The following DHX57 variants were observed in gnomAD, a reference collection of about 807,000 sequenced individuals.
DHX57 encodes DExH-box helicase 57, also known as putative ATP-dependent RNA helicase DHX57.
In DHX57, 105 loss-of-function variants were observed where a neutral mutation model predicts 156.2. The observed-to-expected ratio is 0.67, with a 90% CI of 0.57 to 0.79. The LOEUF (loss-of-function observed/expected upper bound fraction) is 0.79, where lower values mean the gene tolerates loss of function less well. Among genes scored for constraint, DHX57 ranks in the 30% least tolerant of loss-of-function variants. The probability of loss-of-function intolerance (pLI) is 0.00; values close to 1 mark genes in which losing one functional copy is unlikely to be tolerated. For synonymous variants in DHX57, 704 were observed against 595.6 expected (o/e 1.18, Z -2.65); for missense variants, 1,847 against 1,661.9 (o/e 1.11, Z -1.94).
At chr2:38,862,575 T>C (rs1204607417) in intron 3 of DHX57, 1 of 316,956 alleles carries the variant, frequency 3.2e-6, no homozygotes, top group Non-Finnish European at 5.6e-6. Flanking sequence ...CCAATAACTG[T>C]ACCAAATACT....
chr2:38,829,678 C>T (rs910333271), intron 13 of DHX57, among the ~76,000 whole-genome samples: 1 of 152,044 alleles, frequency 6.6e-6, no homozygotes, highest in African/African-American at 2.4e-5. Context: ...TTTAGCCTCC[C>T]GAGTAGTTGG....
At chr2:38,870,087 G>C (rs899321476) in intron 1 of DHX57, among the ~76,000 whole-genome samples, 2 of 152,058 alleles carry the variant, frequency 1.3e-5, no homozygotes, top group African/African-American at 2.4e-5. Flanking sequence ...CACTAGAGAA[G>C]CTCAACCATA....
At chr2:38,828,616 G>A (rs548573110) in intron 13 of DHX57, among the ~76,000 whole-genome samples, 180 bp from the exon 14 acceptor site, 23 of 151,786 alleles carry the variant, frequency 1.5e-4, no homozygotes, top group Non-Finnish European at 3.1e-4. Context: ...TCAGCTACTC[G>A]GCAGGCTGAG....
intron 21 of DHX57, among the ~76,000 whole-genome samples, chr2:38,809,729 C>T (rs1670144651): frequency 6.6e-6 from 1 of 152,064 alleles, no homozygotes; most frequent in African/African-American, 2.4e-5. Context: ...TCCCAAAGTG[C>T]TGGGATTGCA....
At chr2:38,857,654 A>G (rs1241485475) in intron 6 of DHX57, among the ~76,000 whole-genome samples, 1 of 152,214 alleles carries the variant, frequency 6.6e-6, no homozygotes, top group African/African-American at 2.4e-5. Flanking sequence ...CAATTCCCAT[A>G]TTGGTTAAGC....
chr2:38,864,470 G>C (rs931000452), intron 2 of DHX57, among the ~76,000 whole-genome samples: 1 of 152,062 alleles, frequency 6.6e-6, no homozygotes, highest in Non-Finnish European at 1.5e-5. Context: ...TTAAACATGA[G>C]GGGGAGTTGG....
At chr2:38,846,157 C>T (rs1038391126) in intron 11 of DHX57, among the ~76,000 whole-genome samples, 6 of 152,174 alleles carry the variant, frequency 3.9e-5, no homozygotes, top group Admixed American at 6.5e-5. Context: ...TGAGCTACCA[C>T]ACCCAGCCAA....
Position 38,823,093 on chromosome 2 carries a change from A to G in DHX57, c.3191T>C (p.Val1064Ala). Residue 1064 changes from valine (V) to alanine (A), a missense_variant, in exon 17 of 24, where the codon GTG becomes GCG. Physicochemically the swap from Val to Ala is moderately conservative, Grantham distance 64 (BLOSUM62 0). Transcript: ENST00000457308. ...PLGYHLASLP[V>A]DVRIGKLMLF... ...CATTAGTTTGCCAATTCTCACATCCACGGGCAGAGAGGCCAAATGATACCC... is the reference window on the plus strand; with the variant it reads ...CATTAGTTTGCCAATTCTCACATCCGCGGGCAGAGAGGCCAAATGATACCC... The G allele has an allele frequency of 6.2e-7, 1 of 1,614,186 alleles. No individual in the cohort carries two copies. The highest frequency in any genetic ancestry group is 8.5e-7 in the Non-Finnish European group (1 of 1,180,028).
chr2:38,838,732 C>A (rs1387263069), intron 12 of DHX57: 2 of 452,850 alleles, frequency 4.4e-6, no homozygotes, highest in Admixed American at 4.8e-5. Flanking sequence ...ACTCGCTGAA[C>A]CTTTAGGTTC....
intron 2 of DHX57, among the ~76,000 whole-genome samples, chr2:38,864,964 C>T (rs1038281067): frequency 3.3e-5 from 5 of 152,160 alleles, no homozygotes; most frequent in African/African-American, 1.2e-4. Flanking sequence ...CATTTTTCCA[C>T]AAATGTGTAC....
At chr2:38,833,763 G>T (rs1287429928) in intron 13 of DHX57, among the ~76,000 whole-genome samples, 6 of 151,786 alleles carry the variant, frequency 4.0e-5, no homozygotes, top group Non-Finnish European at 5.9e-5. Flanking sequence ...TTCTTTCAAT[G>T]AATATATTGG....
intron 21 of DHX57, chr2:38,810,863 G>A (rs1252798699): frequency 5.4e-6 from 4 of 741,214 alleles, no homozygotes; most frequent in African/African-American, 3.5e-5. Flanking sequence ...TCAATGAAGC[G>A]GTTCTCCACG....
chr2:38,828,153 G>T (rs1671198628), intron 14 of DHX57, among the ~76,000 whole-genome samples, 187 bp downstream of exon 14: 1 of 152,182 alleles, frequency 6.6e-6, no homozygotes, highest in Admixed American at 6.5e-5. Flanking sequence ...ACTGAGCCTG[G>T]CCAATATTTT....
chr2:38,831,663 T>C (rs1280245817), intron 13 of DHX57, among the ~76,000 whole-genome samples: 1 of 151,756 alleles, frequency 6.6e-6, no homozygotes, highest in Non-Finnish European at 1.5e-5. Context: ...CAGACCAGCC[T>C]GGTCAACATA....
intron 2 of DHX57, among the ~76,000 whole-genome samples, chr2:38,865,380 C>A (rs1282991310): frequency 2.0e-5 from 3 of 152,142 alleles, no homozygotes; most frequent in Admixed American, 2.0e-4. Context: ...GGCTCTCATT[C>A]TTCTTTCTCC....
At chr2:38,849,212 T>A (rs1572686905) in intron 9 of DHX57, among the ~76,000 whole-genome samples, 2 of 152,160 alleles carry the variant, frequency 1.3e-5, no homozygotes, top group African/African-American at 4.8e-5. Context: ...GTCTATGAAA[T>A]AACATGAAGC....
intron 2 of DHX57, among the ~76,000 whole-genome samples, chr2:38,867,651 T>G (rs927758239): frequency 6.6e-6 from 1 of 152,132 alleles, no homozygotes; most frequent in Admixed American, 6.5e-5. Flanking sequence ...TTCTGCCTCC[T>G]GGGTTCAAGC....
In DHX57 at chr2:38,828,227, A is replaced by G. The variant is rs188638570; in HGVS notation, c.2639+113T>C. 2.8e-5 allele frequency: 19 copies of G among 671,234 alleles called. No homozygotes were observed. In the Admixed American group the frequency reaches 6.6e-4, roughly 23 times the overall value. The allele number at this position is 671,234 out of a possible 1,614,324, so 41.6% of individuals were successfully genotyped here. On this transcript the variant is annotated intron_variant, in intron 14 of 23. Transcript: ENST00000457308. ...ATAGGTTTGCTCATTTCCAGCTGGC[A>G]TAAACAAATGTATGCTCGAAGACTG...
chr2:38,828,452 G>T lies in DHX57; in HGVS notation c.2543-16C>A. On this transcript the variant is annotated splice_polypyrimidine_tract_variant and intron_variant, in intron 13 of 23. Coordinates refer to ENST00000457308, the MANE Select transcript of DHX57 (RefSeq NM_198963.3). ...AGTATAGCACCTGGGTATATAAAAAGAATCAATATGTGGGTAAGCATAGGC... is the reference window on the plus strand; with the variant it reads ...AGTATAGCACCTGGGTATATAAAAATAATCAATATGTGGGTAAGCATAGGC... 6.4e-7 allele frequency: 1 copy of T among 1,572,208 alleles called. No homozygotes were observed. Among genetic ancestry groups the T allele is most frequent in the Non-Finnish European group, 8.7e-7 (1 of 1,152,382 alleles).
Sources: allele counts gnomAD v4.1 joint callset (sites outside exome capture counted in the v4.1 genomes callset), GRCh38; gene constraint gnomAD v4.1.1; transcripts MANE v1.5; gene names NCBI Gene and HGNC (gene_info 2026-07-23, HGNC 2026-07-21).